The following HNF4A variants were observed in gnomAD, a reference collection of about 807,000 sequenced individuals.
HNF4A encodes hepatocyte nuclear factor 4 alpha.
HNF4A carries 15 observed loss-of-function variants against 52.4 expected under a neutral mutation model. The ratio of observed to expected loss-of-function variants is 0.29; its 90% confidence interval spans 0.19 to 0.44. The LOEUF is 0.44. Among genes scored for constraint, HNF4A ranks in the 20% least tolerant of loss-of-function variants. The pLI is 1.00. For synonymous variants in HNF4A, 280 were observed against 264.4 expected (o/e 1.06, Z -0.57); for missense variants, 479 against 647.2 (o/e 0.74, Z 2.82).
intron 7 of HNF4A, among the ~76,000 whole-genome samples, chr20:44,420,577 C>T (rs1228130738): frequency 1.3e-5 from 2 of 152,038 alleles, no homozygotes; most frequent in Non-Finnish European, 2.9e-5. Context: ...GCCAGGAGTT[C>T]GAGGCCAGCC....
At chr20:44,355,891 T>G (rs201508862) in intron 1 of HNF4A, 38 bp downstream of exon 1, 1 of 1,578,166 alleles carries the variant, frequency 6.3e-7, no homozygotes, top group African/African-American at 1.3e-5. Flanking sequence ...AGGGCGGGAC[T>G]GCGGTCAGCT....
At chr20:44,402,518 T>C in intron 1 of HNF4A, 1 of 1,324,240 alleles carries the variant, frequency 7.6e-7, no homozygotes, top group Non-Finnish European at 1.0e-6. Context: ...CCAAGTGAGA[T>C]TCATATCAGC....
At chr20:44,372,793 A>G (rs754538910) in intron 1 of HNF4A, 13 of 152,116 alleles carry the variant, frequency 8.5e-5, no homozygotes, top group Non-Finnish European at 1.3e-4. Context: ...AGATGGTGTC[A>G]TGGCTTCTCT....
chr20:44,397,144 T>C (rs717247), upstream of HNF4A, among the ~76,000 whole-genome samples: 57,795 of 151,968 alleles, frequency 0.38, 11,966 homozygotes, highest in African/African-American at 0.55. Context: ...AGAAAGAAGC[T>C]TAATATTTTT....
chr20:44,400,552 AG>A (rs1332875861), upstream of HNF4A, among the ~76,000 whole-genome samples: 1 of 109,010 alleles, frequency 9.2e-6, no homozygotes, highest in Non-Finnish European at 1.9e-5. Flanking sequence ...CTGCTCCGGG[AG>A]GGGGTGGGGG....
intron 1 of HNF4A, among the ~76,000 whole-genome samples, chr20:44,360,232 T>C (rs1745611723): frequency 6.6e-6 from 1 of 152,088 alleles, no homozygotes; most frequent in African/African-American, 2.4e-5. Context: ...GATAGGTGAA[T>C]GGACTGATGA....
intron 1 of HNF4A, among the ~76,000 whole-genome samples, chr20:44,369,656 T>TTTTC (rs560563292): frequency 1.3e-3 from 190 of 151,942 alleles, no homozygotes; most frequent in African/African-American, 4.0e-3. Flanking sequence ...CCTGAGCTCT[T>TTTTC]TTTCTTTCTT....
chr20:44,377,542 C>G (rs2063098983), intron 1 of HNF4A, among the ~76,000 whole-genome samples: 1 of 151,948 alleles, frequency 6.6e-6, no homozygotes, highest in Non-Finnish European at 1.5e-5. Context: ...GCGGGTGGAT[C>G]ACTTGAGATC....
upstream of HNF4A, chr20:44,401,227 A>C: frequency 1.3e-6 from 2 of 1,529,868 alleles, no homozygotes; most frequent in Non-Finnish European, 1.7e-6. Context: ...AGGCTAGGCC[A>C]AGACTCCCAG....
At chr20:44,427,896 A>C (rs551785196) in intron 8 of HNF4A, among the ~76,000 whole-genome samples, 1 of 152,308 alleles carries the variant, frequency 6.6e-6, no homozygotes, top group African/African-American at 2.4e-5. Context: ...AACACAGGGG[A>C]CACATAGATG....
At chr20:44,412,832 G>A (rs2063605537) in intron 3 of HNF4A, among the ~76,000 whole-genome samples, 1 of 152,138 alleles carries the variant, frequency 6.6e-6, no homozygotes, top group Non-Finnish European at 1.5e-5. Context: ...CAGGGAGCCG[G>A]CTGGCAGGGA....
At chr20:44,366,020 G>A (rs1410738390) in intron 1 of HNF4A, among the ~76,000 whole-genome samples, 1 of 151,942 alleles carries the variant, frequency 6.6e-6, no homozygotes, top group African/African-American at 2.4e-5. Flanking sequence ...GGGAGGTCAA[G>A]GCAGAAAAAT....
At position 44,406,020 on chromosome 20, in the gene HNF4A, T is replaced by C. The variant is rs736824; in HGVS notation, c.116-38T>C. On this transcript the variant is annotated intron_variant, in intron 1 of 9. Coordinates refer to ENST00000316099, the MANE Select transcript of HNF4A (RefSeq NM_000457.6). The stretch of plus-strand genomic sequence containing the variant: ...GCTCCCTTAGATGCCTGACATTCTG[T>C]TCTTCCTGAAGCCTCACTCCCTTCT... The C allele has an allele frequency of 0.45, 722,155 of 1,592,492 alleles. 170,016 individuals are homozygous for C. Among genetic ancestry groups the C allele is most frequent in the East Asian group, 0.77 (34,365 of 44,798 alleles).
At chr20:44,425,140 C>T (rs2063800591) in intron 8 of HNF4A, among the ~76,000 whole-genome samples, 1 of 152,186 alleles carries the variant, frequency 6.6e-6, no homozygotes, top group South Asian at 2.1e-4. Context: ...CGCCACCACG[C>T]CCTGCTCATT....
intron 1 of HNF4A, among the ~76,000 whole-genome samples, chr20:44,391,107 C>T (rs2063296971): frequency 6.6e-6 from 1 of 152,122 alleles, no homozygotes; most frequent in Non-Finnish European, 1.5e-5. Context: ...GCCTTGAACT[C>T]CAAATCCTCC....
At chr20:44,419,170 A>G (rs1398531526) in intron 6 of HNF4A, among the ~76,000 whole-genome samples, 3 of 152,240 alleles carry the variant, frequency 2.0e-5, no homozygotes, top group Non-Finnish European at 1.5e-5. Flanking sequence ...CCTTCATGGC[A>G]TAGTTATTAT....
chr20:44,362,843 CTTTT>C (rs773479711), intron 1 of HNF4A, among the ~76,000 whole-genome samples: 31 of 134,488 alleles, frequency 2.3e-4, no homozygotes, highest in Admixed American at 2.3e-3. Context: ...ACTCAATTCT[CTTTT>C]TTTTTTTTTT....
chr20:44,368,120 ATGTG>A (rs1297459068), intron 1 of HNF4A, among the ~76,000 whole-genome samples: 1 of 101,090 alleles, frequency 9.9e-6, no homozygotes. Flanking sequence ...GTATACATAT[ATGTG>A]TGTGTGTGTG....
intron 1 of HNF4A, among the ~76,000 whole-genome samples, chr20:44,379,188 A>C (rs1387679535): frequency 6.6e-6 from 1 of 152,164 alleles, no homozygotes; most frequent in Non-Finnish European, 1.5e-5. Context: ...TTATTGATCC[A>C]TTCATCCATT....
Sources: allele counts gnomAD v4.1 joint callset (sites outside exome capture counted in the v4.1 genomes callset), GRCh38; gene constraint gnomAD v4.1.1; transcripts MANE v1.5; gene names NCBI Gene and HGNC (gene_info 2026-07-23, HGNC 2026-07-21).